CIT: variants seen among roughly 807,000 people sequenced by gnomAD.
CIT encodes citron rho-interacting serine/threonine kinase, also known as citron Rho-interacting kinase.
CIT carries 79 observed loss-of-function variants against 272.7 expected under a neutral mutation model. The ratio of observed to expected loss-of-function variants is 0.29; its 90% CI spans 0.24 to 0.35. CIT has a LOEUF of 0.35. Ranked by LOEUF, CIT falls within the 10% of genes least tolerant of loss-of-function variation. The pLI, the probability that CIT is intolerant of heterozygous loss-of-function variation, is 1.00. For missense variants in CIT, 1,909 were observed against 2,618.3 expected (o/e 0.73, Z 5.91); for synonymous variants, 948 against 995.6 (o/e 0.95, Z 0.90).
intron 47 of CIT, among the ~76,000 whole-genome samples, chr12:119,689,740 C>G (rs375423238): frequency 2.2e-5 from 3 of 137,330 alleles, no homozygotes; most frequent in African/African-American, 8.1e-5. Flanking sequence ...TGCAGTGGCG[C>G]GATCTCGGCT....
chr12:119,803,458 G>T, intron 9 of CIT, 69 bp from the exon 10 acceptor site: 2 of 1,168,958 alleles, frequency 1.7e-6, no homozygotes, highest in Non-Finnish European at 2.4e-6. Context: ...ACACTGTTGC[G>T]GAGAAGATCG....
At chr12:119,868,743 G>A (rs1950584064) in intron 3 of CIT, among the ~76,000 whole-genome samples, 1 of 152,074 alleles carries the variant, frequency 6.6e-6, no homozygotes, top group Non-Finnish European at 1.5e-5. Context: ...TCACCATGTT[G>A]CCCAAGCTGG....
chr12:119,840,958 G>GTTCCTAT (rs1378791417), intron 5 of CIT, among the ~76,000 whole-genome samples: 1 of 152,108 alleles, frequency 6.6e-6, no homozygotes, highest in African/African-American at 2.4e-5. Context: ...CTTTCAAATT[G>GTTCCTAT]TTCCTATATA....
intron 23 of CIT, among the ~76,000 whole-genome samples, chr12:119,750,964 T>G (rs1960187300): frequency 6.6e-6 from 1 of 152,044 alleles, no homozygotes; most frequent in South Asian, 2.1e-4. Flanking sequence ...AGGTACCTAT[T>G]TAGGTGGCTT....
At chr12:119,875,844 C>T (rs986506184) in intron 2 of CIT, among the ~76,000 whole-genome samples, 1 of 151,970 alleles carries the variant, frequency 6.6e-6, no homozygotes, top group African/African-American at 2.4e-5. Context: ...AAAATTTAGC[C>T]GGGTGTGGTG....
intron 5 of CIT, among the ~76,000 whole-genome samples, chr12:119,845,076 C>T (rs1280051433): frequency 2.0e-5 from 3 of 151,882 alleles, no homozygotes; most frequent in East Asian, 3.9e-4. Flanking sequence ...GCCGAGATTG[C>T]GCCACTGAAC....
intron 9 of CIT, among the ~76,000 whole-genome samples, chr12:119,816,333 G>A (rs79168200): frequency 6.6e-6 from 1 of 152,134 alleles, no homozygotes; most frequent in Non-Finnish European, 1.5e-5. Context: ...GTCCATCTAA[G>A]AGAAAAGCTT....
At chr12:119,717,334 G>A (rs1326749284) in intron 32 of CIT, among the ~76,000 whole-genome samples, 4 of 151,586 alleles carry the variant, frequency 2.6e-5, no homozygotes, top group African/African-American at 4.9e-5. Context: ...TTACAGGCGT[G>A]AGCCACCACT....
chr12:119,843,314 T>C (rs1488323072), intron 5 of CIT, among the ~76,000 whole-genome samples: 1 of 152,170 alleles, frequency 6.6e-6, no homozygotes, highest in African/African-American at 2.4e-5. Flanking sequence ...AACAGCGGGC[T>C]GACTTGGCTG....
intron 9 of CIT, among the ~76,000 whole-genome samples, chr12:119,819,547 A>C (rs1967506633): frequency 6.6e-6 from 1 of 152,260 alleles, no homozygotes; most frequent in Admixed American, 6.5e-5. Flanking sequence ...TGTGTTAAGC[A>C]GTACTTCCTT....
At chr12:119,876,276 G>A (rs1319134184) in intron 1 of CIT, 95 bp from the exon 2 acceptor site, 2 of 713,328 alleles carry the variant, frequency 2.8e-6, no homozygotes, top group Non-Finnish European at 2.3e-6. Flanking sequence ...GGGACAAGGA[G>A]GTGAAAATCA....
At chr12:119,821,226 C>T (rs896674072) in intron 9 of CIT, among the ~76,000 whole-genome samples, 3 of 150,856 alleles carry the variant, frequency 2.0e-5, no homozygotes, top group South Asian at 2.1e-4. Flanking sequence ...ACCCAAGAGG[C>T]GGAGGTTGCA....
At chr12:119,747,086 T>C (rs1165806746) in intron 23 of CIT, among the ~76,000 whole-genome samples, 1 of 152,136 alleles carries the variant, frequency 6.6e-6, no homozygotes, top group African/African-American at 2.4e-5. Flanking sequence ...CCCAAAGAGC[T>C]CTTGTTTATG....
intron 3 of CIT, among the ~76,000 whole-genome samples, chr12:119,857,972 C>T (rs1028704534): frequency 6.6e-6 from 1 of 152,114 alleles, no homozygotes; most frequent in African/African-American, 2.4e-5. Flanking sequence ...AGAGAGGATA[C>T]AAATTATGTT....
chr12:119,740,009 T>C (rs1958981175), intron 24 of CIT, among the ~76,000 whole-genome samples: 2 of 152,326 alleles, frequency 1.3e-5, no homozygotes, highest in East Asian at 1.9e-4. Context: ...ATAATACACG[T>C]AGGTTACTAA....
intron 23 of CIT, among the ~76,000 whole-genome samples, chr12:119,748,829 G>A (rs1392575564): frequency 2.6e-5 from 4 of 152,174 alleles, no homozygotes; most frequent in East Asian, 3.9e-4. Context: ...AGGCCTGGCC[G>A]GTGCACACAG....
chr12:119,741,308 A>C (rs567916812), intron 24 of CIT, among the ~76,000 whole-genome samples: 2 of 152,364 alleles, frequency 1.3e-5, no homozygotes, highest in East Asian at 3.9e-4. Context: ...AACTATGGTT[A>C]TCAGAGGTCA....
At chr12:119,872,974 T>C (rs1241161865) in intron 2 of CIT, among the ~76,000 whole-genome samples, 1 of 152,020 alleles carries the variant, frequency 6.6e-6, no homozygotes, top group Non-Finnish European at 1.5e-5. Context: ...TTATTTATAT[T>C]TTTTGTAGAG....
Position 119,728,492 on chromosome 12 carries a change from T to C in CIT, c.3591+10A>G. 6.3e-7 allele frequency: 1 copy of C among 1,578,872 alleles called. No homozygotes were observed. The highest frequency in any genetic ancestry group is 1.4e-5 in the African/African-American group (1 of 73,304). Reference sequence around the variant, plus strand: ...CCACTTGGCCCTTCTCCCAGGTATTTCACACTCACCTCTTCCAGAAGCCTC... The same window carrying C: ...CCACTTGGCCCTTCTCCCAGGTATTCCACACTCACCTCTTCCAGAAGCCTC... On this transcript the variant is annotated intron_variant, in intron 28 of 47. Transcript: ENST00000392521. The surrounding 1 kb of genome is among the most constrained non-coding windows in gnomAD (Gnocchi z 4.3).
Sources: allele counts gnomAD v4.1 joint callset (sites outside exome capture counted in the v4.1 genomes callset), GRCh38; gene constraint gnomAD v4.1.1; non-coding constraint Gnocchi (gnomAD v3.1); transcripts MANE v1.5; gene names NCBI Gene and HGNC (gene_info 2026-07-23, HGNC 2026-07-21).